The following RAPGEF6 variants were observed in gnomAD, a reference collection of about 807,000 sequenced individuals.
RAPGEF6 encodes Rap guanine nucleotide exchange factor 6, also known as PDZ domain containing guanine nucleotide exchange factor (GEF) 2.
RAPGEF6 carries 56 observed loss-of-function variants against 171.4 expected under a neutral mutation model. The ratio of observed to expected loss-of-function variants is 0.33; its 90% CI spans 0.26 to 0.41. RAPGEF6 has a LOEUF of 0.41. Among genes scored for constraint, RAPGEF6 ranks in the 10% least tolerant of loss-of-function variants. The probability of loss-of-function intolerance (pLI) is 1.00; values close to 1 mark genes in which losing one functional copy is unlikely to be tolerated. For synonymous variants in RAPGEF6, 692 were observed against 650.1 expected, an observed-to-expected ratio of 1.06 and a Z score of -0.98; for missense variants, 1,674 against 1,921.4, an observed-to-expected ratio of 0.87 and a Z score of 2.41.
At chr5:131,575,970 T>C (rs1762581090) in intron 4 of RAPGEF6, among the ~76,000 whole-genome samples, 1 of 152,124 alleles carries the variant, frequency 6.6e-6, no homozygotes, top group Non-Finnish European at 1.5e-5. Flanking sequence ...CTCATAACTT[T>C]CAAAATCTAT....
At chr5:131,525,984 AT>A (rs1758847519) in intron 6 of RAPGEF6, among the ~76,000 whole-genome samples, 1 of 152,248 alleles carries the variant, frequency 6.6e-6, no homozygotes, top group Non-Finnish European at 1.5e-5. Context: ...TAAGCAACTT[AT>A]CCCAGATCAT....
At chr5:131,508,487 C>A (rs536793416) in intron 8 of RAPGEF6, among the ~76,000 whole-genome samples, 1 of 152,160 alleles carries the variant, frequency 6.6e-6, no homozygotes, top group Non-Finnish European at 1.5e-5. Flanking sequence ...GAAAGCGGAG[C>A]GTTTATCTAA....
At chr5:131,568,371 G>T (rs1762075826) in intron 4 of RAPGEF6, among the ~76,000 whole-genome samples, 1 of 149,954 alleles carries the variant, frequency 6.7e-6, no homozygotes, top group Non-Finnish European at 1.5e-5. Context: ...TCATTCTGTT[G>T]CTGAGTTGGA....
At chr5:131,625,001 C>G (rs1765817826) in intron 1 of RAPGEF6, among the ~76,000 whole-genome samples, 1 of 152,112 alleles carries the variant, frequency 6.6e-6, no homozygotes, top group Non-Finnish European at 1.5e-5. Context: ...CAGTGGCTCA[C>G]ACCTGTAATC....
intron 4 of RAPGEF6, among the ~76,000 whole-genome samples, chr5:131,579,227 A>C (rs2149989275): frequency 6.6e-6 from 1 of 152,248 alleles, no homozygotes; most frequent in South Asian, 2.1e-4. Flanking sequence ...TGGCCTCAGG[A>C]GTGAAGCTGC....
intron 11 of RAPGEF6, among the ~76,000 whole-genome samples, chr5:131,498,963 C>G (rs1375636272): frequency 6.6e-6 from 1 of 151,490 alleles, no homozygotes; most frequent in Non-Finnish European, 1.5e-5. Flanking sequence ...TTTATTGTCT[C>G]AAGGCAACAA....
At chr5:131,427,428 A>T in intron 27 of RAPGEF6, 137 bp from the exon 28 acceptor site, 1 of 682,226 alleles carries the variant, frequency 1.5e-6, no homozygotes, top group South Asian at 1.9e-5. Flanking sequence ...ATTTTATTAT[A>T]ATAATACCTA....
chr5:131,491,467 T>C (rs1329574016), intron 14 of RAPGEF6, among the ~76,000 whole-genome samples: 2 of 152,132 alleles, frequency 1.3e-5, no homozygotes, highest in Non-Finnish European at 2.9e-5. Flanking sequence ...TCCTAAATGA[T>C]TCTGATGATC....
At chr5:131,482,029 T>A (rs1206209892) in intron 15 of RAPGEF6, among the ~76,000 whole-genome samples, 1 of 152,164 alleles carries the variant, frequency 6.6e-6, no homozygotes, top group African/African-American at 2.4e-5. Flanking sequence ...GCCTTAAGAA[T>A]GGATTAAAAT....
intron 5 of RAPGEF6, among the ~76,000 whole-genome samples, chr5:131,549,403 C>T (rs1011235776): frequency 2.0e-5 from 3 of 152,090 alleles, no homozygotes; most frequent in African/African-American, 7.2e-5. Flanking sequence ...ATTCCATGAT[C>T]CCCACTAGAT....
chr5:131,460,597 G>T (rs765069500), intron 19 of RAPGEF6, among the ~76,000 whole-genome samples: 1 of 152,092 alleles, frequency 6.6e-6, no homozygotes, highest in Non-Finnish European at 1.5e-5. Context: ...TAAAAACTGT[G>T]ATATAGGTGG....
chr5:131,598,321 T>C (rs1227163759), intron 3 of RAPGEF6, among the ~76,000 whole-genome samples: 1 of 151,656 alleles, frequency 6.6e-6, no homozygotes, highest in African/African-American at 2.4e-5. Flanking sequence ...TGGAAAACAG[T>C]GTAAAGGAAA....
intron 7 of RAPGEF6, among the ~76,000 whole-genome samples, chr5:131,517,721 G>C (rs1758186422): frequency 6.7e-6 from 1 of 148,242 alleles, no homozygotes; most frequent in Admixed American, 6.9e-5. Flanking sequence ...GTCCAGTACT[G>C]ATATTTAATT....
rs374306332 is a variant in RAPGEF6, at chr5:131,446,493, T to A, written c.3411A>T (p.Ala1137=). The part of the protein sequence containing the change: ...FQMMSLQWEP[A]YGTLTKNLSE... The stretch of plus-strand genomic sequence containing the variant: ...AAAACTTGTACTCACAGGTACCATA[T>A]GCAGGCTCCCACTGTAATGACATCA... Residue 1137 remains alanine, a synonymous_variant, in exon 22 of 28, where the codon GCA becomes GCT. Coordinates refer to ENST00000509018, the MANE Select transcript of RAPGEF6 (RefSeq NM_016340.6). 1.2e-5 allele frequency: 19 copies of A among 1,613,724 alleles called. No homozygotes were observed. The highest frequency in any genetic ancestry group is 1.6e-5 in the Non-Finnish European group (19 of 1,179,800).
chr5:131,531,958 A>T lies in RAPGEF6; in HGVS notation c.496-10437T>A, dbSNP rs59483258. On this transcript the variant is annotated intron_variant, in intron 6 of 27. Transcript: ENST00000509018. ...TTAGAATGTTTTAGATATTTAAATTAAAAAAAAATGGCAATGAGAAAGACT... is the reference window on the plus strand; with the variant it reads ...TTAGAATGTTTTAGATATTTAAATTTAAAAAAAATGGCAATGAGAAAGACT... 41 of 161,706 alleles carry T rather than the reference A, an allele frequency of 2.5e-4. No individual in the cohort carries two copies. The East Asian group carries it at 3.9e-3, about 15-fold the overall frequency. The allele number at this position is 161,706 out of a possible 1,614,324, so 10.0% of individuals were successfully genotyped here. A position where few individuals can be genotyped will look rare whatever the true frequency, so the allele number is the denominator to read the frequency against.
chr5:131,556,093 T>C (rs933495175), intron 5 of RAPGEF6, among the ~76,000 whole-genome samples: 2 of 151,806 alleles, frequency 1.3e-5, no homozygotes, highest in Admixed American at 6.5e-5. Flanking sequence ...ACCATTGTCA[T>C]ACATGTGATC....
At chr5:131,461,521 G>A (rs1483934733) in intron 19 of RAPGEF6, among the ~76,000 whole-genome samples, 184 bp downstream of exon 19, 1 of 152,080 alleles carries the variant, frequency 6.6e-6, no homozygotes, top group Non-Finnish European at 1.5e-5. Flanking sequence ...AAGAAAGATG[G>A]AAGAAACAAA....
intron 13 of RAPGEF6, among the ~76,000 whole-genome samples, chr5:131,494,555 G>A (rs1368054074): frequency 6.6e-6 from 1 of 152,156 alleles, no homozygotes; most frequent in African/African-American, 2.4e-5. Flanking sequence ...AAATAAAATA[G>A]TCTGATTTGG....
In RAPGEF6 at chr5:131,442,466, C is replaced by T. The variant is rs370849748; in HGVS notation, c.3493G>A (p.Gly1165Ser). The change falls in exon 23 of 28, where the codon GGC becomes AGC. Residue 1165 changes from glycine to serine, a missense_variant. Physicochemically the swap from Gly to Ser is moderately conservative, Grantham distance 56. Around this residue, in one of 3 missense-constraint regions of RAPGEF6, gnomAD observed 552 missense variants for 574.2 expected, o/e 0.96. Transcript: ENST00000509018. The stretch of plus-strand genomic sequence containing the variant: ...TGCAAGTGGGCTTTAGTTGTTTGGC[C>T]AGCTGACCTCATAGGCACTGGAGAC... ...EMSPVPMRSA[G>S]QTTKAHLHQP... 6.2e-6 allele frequency: 10 copies of T among 1,614,152 alleles called. No homozygotes were observed. In the African/African-American group the frequency reaches 6.7e-5, roughly 11 times the overall value.
Sources: allele counts gnomAD v4.1 joint callset (sites outside exome capture counted in the v4.1 genomes callset), GRCh38; gene constraint gnomAD v4.1.1; regional missense constraint gnomAD v4.1.1; transcripts MANE v1.5; gene names NCBI Gene and HGNC (gene_info 2026-07-23, HGNC 2026-07-21).